The following TRIM4 variants were observed in gnomAD, a reference collection of about 807,000 sequenced individuals.
TRIM4 encodes the protein tripartite motif containing 4.
Under a neutral mutation model 33.7 loss-of-function variants are expected in TRIM4, and 29 were observed. The observed-to-expected ratio is 0.86, with a 90% CI of 0.64 to 1.17. The LOEUF (loss-of-function observed/expected upper bound fraction) is 1.17, where lower values mean the gene tolerates loss of function less well. TRIM4 is among the 50% of genes most tolerant of loss of function. The pLI is 0.00. For missense variants in TRIM4, 554 were observed against 593.7 expected (o/e 0.93, Z 0.69); for synonymous variants, 224 against 233.0 (o/e 0.96, Z 0.35).
intron 1 of TRIM4, chr7:99,916,728 GC>G (rs575505013): frequency 1.8e-5 from 14 of 780,882 alleles, no homozygotes; most frequent in South Asian, 1.6e-4. Flanking sequence ...TACAAGAGCA[GC>G]CTAATTAGTC....
chr7:99,900,133 C>T (rs1819124252), intron 5 of TRIM4, among the ~76,000 whole-genome samples: 1 of 152,178 alleles, frequency 6.6e-6, no homozygotes, highest in Non-Finnish European at 1.5e-5. Flanking sequence ...ATTATTGCTA[C>T]TGACAAGTCC....
intron 5 of TRIM4, among the ~76,000 whole-genome samples, chr7:99,899,155 C>CA (rs1443081697): frequency 2.6e-5 from 4 of 152,140 alleles, no homozygotes; most frequent in African/African-American, 9.7e-5. Flanking sequence ...ACTGTGTATT[C>CA]AGAGTTCTGA....
chr7:99,912,262 G>A (rs1819462101), intron 1 of TRIM4, among the ~76,000 whole-genome samples: 1 of 152,204 alleles, frequency 6.6e-6, no homozygotes, highest in Non-Finnish European at 1.5e-5. Context: ...CAGGCACGGT[G>A]GCTCACGCCT....
intron 1 of TRIM4, among the ~76,000 whole-genome samples, chr7:99,913,626 G>A (rs1819492415): frequency 6.6e-6 from 1 of 151,898 alleles, no homozygotes; most frequent in Admixed American, 6.6e-5. Flanking sequence ...AGCTGGGATC[G>A]CGCCACTGCA....
At chr7:99,895,669 G>C (rs1677085293) in intron 5 of TRIM4, among the ~76,000 whole-genome samples, 1 of 152,214 alleles carries the variant, frequency 6.6e-6, no homozygotes, top group Non-Finnish European at 1.5e-5. Flanking sequence ...GTGAATTTGT[G>C]TATTTCTTCT....
chr7:99,903,469 A>G (rs1338221666), intron 4 of TRIM4, 107 bp downstream of exon 4: 6 of 1,469,988 alleles, frequency 4.1e-6, no homozygotes, highest in Admixed American at 1.7e-5. Flanking sequence ...GACCCCCATT[A>G]GGGTGTGCCC....
At chr7:99,895,345 C>A (rs1392834449) in intron 5 of TRIM4, among the ~76,000 whole-genome samples, 4 of 151,940 alleles carry the variant, frequency 2.6e-5, no homozygotes, top group Non-Finnish European at 5.9e-5. Context: ...TATTTAGATT[C>A]TTGATATTTA....
In TRIM4 at chr7:99,917,458, G is replaced by A. The variant is rs1482765384; in HGVS notation, c.393+1551C>T. On this transcript the variant is annotated intron_variant, in intron 1 of 5. Coordinates refer to ENST00000349062, the MANE Select transcript of TRIM4 (RefSeq NM_033091.3). Reference sequence around the variant, plus strand: ...TGTTTGGCCAGGAAAGCTTGCTCACGCCTGTAATCCCAGCACTTTGGGAGG... The same window carrying A: ...TGTTTGGCCAGGAAAGCTTGCTCACACCTGTAATCCCAGCACTTTGGGAGG... 2.6e-5 allele frequency among the ~76,000 whole-genome samples: 4 copies of A among 152,134 alleles called. No individual in the cohort carries two copies. The East Asian group carries it at 7.7e-4, about 29-fold the overall frequency.
intron 1 of TRIM4, among the ~76,000 whole-genome samples, chr7:99,912,563 T>A (rs1233253643): frequency 3.3e-5 from 5 of 151,930 alleles, no homozygotes; most frequent in Non-Finnish European, 7.4e-5. Context: ...AAACAAATGT[T>A]AAATCTGGTT....
Position 99,909,583 on chromosome 7 carries a change from C to T in TRIM4, c.471G>A (p.Lys157=). Residue 157 remains lysine, a synonymous_variant, in exon 2 of 6, where the codon AAG becomes AAA. Transcript: ENST00000349062. ...CCATTACCTTCCACTGTGTGGCGTT[C>T]TTCACTTCTACATCCTGTAAATGCA... ...KVMHLQDVEV[K]NATQWKDKIK... The T allele has an allele frequency of 6.2e-7, 1 of 1,614,006 alleles. No homozygotes were observed.
intron 1 of TRIM4, among the ~76,000 whole-genome samples, chr7:99,913,019 G>A (rs1819479613): frequency 6.6e-6 from 1 of 152,188 alleles, no homozygotes; most frequent in Non-Finnish European, 1.5e-5. Flanking sequence ...TGATGTATAT[G>A]AGGTTTGTAA....
At chr7:99,895,302 CTTCT>C (rs1222476176) in intron 5 of TRIM4, among the ~76,000 whole-genome samples, 4 of 151,964 alleles carry the variant, frequency 2.6e-5, no homozygotes, top group African/African-American at 9.7e-5. Context: ...CTTTTGATTT[CTTCT>C]TTAATTCAAG....
chr7:99,919,170 G>A lies in TRIM4; in HGVS notation c.232C>T (p.Arg78Cys). 1.4e-6 allele frequency: 2 copies of A among 1,472,864 alleles called. No individual in the cohort carries two copies. Among genetic ancestry groups the A allele is most frequent in the Non-Finnish European group, 1.8e-6 (2 of 1,114,122 alleles). The allele number at this position is 1,472,864 out of a possible 1,614,324, so 91.2% of individuals were successfully genotyped here. The change falls in exon 1 of 6, where the codon CGC becomes TGC. Residue 78 changes from arginine (R) to cysteine (C), a missense_variant. By Grantham distance (180) the Arg-to-Cys change is radical. Coordinates refer to ENST00000349062, the MANE Select transcript of TRIM4 (RefSeq NM_033091.3). ...AGGCCCGGGGGCACGGGGCCCAGGC[G>A]CCGGCGCTGCGTCTTCTCAGTCAGC... ...ARLTEKTQRR[R>C]LGPVPPGLCG...
At chr7:99,914,300 G>A (rs1819505354) in intron 1 of TRIM4, among the ~76,000 whole-genome samples, 1 of 152,150 alleles carries the variant, frequency 6.6e-6, no homozygotes, top group African/African-American at 2.4e-5. Flanking sequence ...TGGGACTACA[G>A]ATGTGCATCA....
chr7:99,901,905 C>T (rs912726512), intron 5 of TRIM4: 33 of 590,750 alleles, frequency 5.6e-5, no homozygotes, highest in Non-Finnish European at 8.7e-5. Flanking sequence ...AGGATACTGC[C>T]CAGTACTTTG....
At chr7:99,904,649 A>C (rs1376732853) in intron 3 of TRIM4, among the ~76,000 whole-genome samples, 1 of 152,212 alleles carries the variant, frequency 6.6e-6, no homozygotes, top group Non-Finnish European at 1.5e-5. Context: ...CATCTTCTCA[A>C]CTTTTTGGTA....
chr7:99,908,892 CCA>C (rs1199791914), intron 2 of TRIM4, 80 bp from the exon 3 acceptor site: 2 of 1,339,238 alleles, frequency 1.5e-6, no homozygotes, highest in East Asian at 2.3e-5. Context: ...CCCCAGTAAT[CCA>C]CAGTCAATCC....
Position 99,892,356 on chromosome 7 carries a change from G to A in TRIM4, c.1232C>T (p.Thr411Ile). 1 of 1,614,074 alleles carries A rather than the reference G, an allele frequency of 6.2e-7. No individual in the cohort carries two copies. The highest frequency in any genetic ancestry group is 8.5e-7 in the Non-Finnish European group (1 of 1,180,014). Residue 411 changes from threonine (T) to isoleucine (I), a missense_variant, in exon 6 of 6, where the codon ACC becomes ATC. By Grantham distance (89) the Thr-to-Ile change is moderately conservative. Transcript: ENST00000349062. Reference protein sequence around the residue: ...WPLIGFPGTPTQQEPALHRVG... With the variant: ...WPLIGFPGTPIQQEPALHRVG... Reference sequence around the variant, plus strand: ...TCGGTGGAGAGCTGGCTCTTGCTGGGTGGGAGTTCCAGGGAAGCCTATCAA... The same window carrying A: ...TCGGTGGAGAGCTGGCTCTTGCTGGATGGGAGTTCCAGGGAAGCCTATCAA...
Position 99,891,905 on chromosome 7 carries a change from A to C in TRIM4, c.*258T>G, listed in dbSNP as rs1818899403. On this transcript the variant is annotated 3_prime_UTR_variant, in exon 6 of 6. Transcript: ENST00000349062. ...GCTAACATCCATATGTCTTCCCCGC[A>C]CATCTCTTTAAAAGCTACAAAAAGA... 1 of 408,370 alleles carries C rather than the reference A, an allele frequency of 2.4e-6. No individual in the cohort carries two copies. Among genetic ancestry groups the C allele is most frequent in the African/African-American group, 2.0e-5 (1 of 50,016 alleles). The allele number at this position is 408,370 out of a possible 1,614,324, so 25.3% of individuals were successfully genotyped here.
Sources: gnomAD v4.1 joint callset for allele counts (sites outside exome capture counted in the v4.1 genomes callset) on GRCh38, gnomAD v4.1.1 for gene constraint, MANE v1.5 for transcripts, NCBI Gene and HGNC (gene_info 2026-07-23, HGNC 2026-07-21) for gene names.